FAM53B: variants seen among roughly 807,000 people sequenced by gnomAD.
FAM53B encodes protein FAM53B.
In FAM53B, 12 loss-of-function variants were observed where a neutral mutation model predicts 32.7. The ratio of observed to expected loss-of-function variants is 0.37; its 90% CI spans 0.24 to 0.59. The LOEUF (loss-of-function observed/expected upper bound fraction) is 0.59, where lower values mean the gene tolerates loss of function less well. Ranked by LOEUF, FAM53B falls within the 20% of genes least tolerant of loss-of-function variation. The pLI, the probability that FAM53B is intolerant of heterozygous loss-of-function variation, is 0.72. For synonymous variants in FAM53B, 234 were observed against 228.7 expected, an observed-to-expected ratio of 1.02 and a Z score of -0.21; for missense variants, 477 against 577.7, an observed-to-expected ratio of 0.83 and a Z score of 1.79.
chr10:124,729,151 C>T (rs7086253), intron 1 of FAM53B, among the ~76,000 whole-genome samples: 7,731 of 152,288 alleles, frequency 0.051, 643 homozygotes, highest in African/African-American at 0.17. Context: ...TATTTGTGCC[C>T]GGGTTCTTTT....
intron 4 of FAM53B, among the ~76,000 whole-genome samples, chr10:124,663,205 T>C (rs972378630): frequency 6.6e-6 from 1 of 152,320 alleles, no homozygotes; most frequent in Non-Finnish European, 1.5e-5. Flanking sequence ...ACACATAAAG[T>C]GCAAGCCTGT....
At chr10:124,625,166 C>A (rs1308045149) in intron 4 of FAM53B, among the ~76,000 whole-genome samples, 1 of 152,230 alleles carries the variant, frequency 6.6e-6, no homozygotes, top group African/African-American at 2.4e-5. Flanking sequence ...AGCTGTTGAA[C>A]CAGCCTCAGC....
chr10:124,634,079 T>C (rs945167594), intron 4 of FAM53B, among the ~76,000 whole-genome samples: 1 of 152,210 alleles, frequency 6.6e-6, no homozygotes, highest in Non-Finnish European at 1.5e-5. Context: ...TGAAAACATA[T>C]GTCTATGTAG....
At chr10:124,725,758 C>G (rs978148300) in intron 1 of FAM53B, among the ~76,000 whole-genome samples, 4 of 152,204 alleles carry the variant, frequency 2.6e-5, no homozygotes, top group Non-Finnish European at 5.9e-5. Flanking sequence ...GTGTCTCCAA[C>G]TATCACGGTG....
At chr10:124,697,558 C>A (rs1246551465) in intron 2 of FAM53B, among the ~76,000 whole-genome samples, 1 of 152,172 alleles carries the variant, frequency 6.6e-6, no homozygotes, top group Non-Finnish European at 1.5e-5. Context: ...AGGGTCCATG[C>A]TGACCAACCT....
chr10:124,721,525 C>T (rs939181968), intron 1 of FAM53B, among the ~76,000 whole-genome samples: 3 of 152,240 alleles, frequency 2.0e-5, no homozygotes, highest in African/African-American at 4.8e-5. Flanking sequence ...TCTCCCCAAG[C>T]GACGCCAACC....
chr10:124,644,715 G>A (rs568656681), intron 4 of FAM53B, among the ~76,000 whole-genome samples: 1 of 152,160 alleles, frequency 6.6e-6, no homozygotes, highest in Non-Finnish European at 1.5e-5. Context: ...TGTGGGTAGG[G>A]AACCCGAGAG....
intron 4 of FAM53B, among the ~76,000 whole-genome samples, chr10:124,646,562 CAT>C (rs754859914): frequency 9.2e-5 from 14 of 152,234 alleles, no homozygotes; most frequent in African/African-American, 1.4e-4. Context: ...CTCTGGAATA[CAT>C]GAGACGAGGT....
intron 4 of FAM53B, among the ~76,000 whole-genome samples, chr10:124,625,602 C>G (rs1448214315): frequency 6.6e-6 from 1 of 152,232 alleles, no homozygotes; most frequent in Non-Finnish European, 1.5e-5. Flanking sequence ...CTGGCCAGGC[C>G]TGGGCGATGG....
At chr10:124,656,749 A>T (rs1949591481) in intron 4 of FAM53B, among the ~76,000 whole-genome samples, 1 of 152,316 alleles carries the variant, frequency 6.6e-6, no homozygotes, top group Admixed American at 6.5e-5. Context: ...CTAAGGATAC[A>T]AGAGCATCAA....
chr10:124,656,225 G>A (rs761332143), intron 4 of FAM53B, among the ~76,000 whole-genome samples: 6 of 152,246 alleles, frequency 3.9e-5, no homozygotes, highest in Non-Finnish European at 7.3e-5. Context: ...ACCAAGAGGC[G>A]TCTAGGTTTG....
rs1949309377 is a variant in FAM53B at position 124,621,325 on chromosome 10, A to C, written c.*1917T>G. ...GGCCGCCTCCACATTTGCTCTAAGA[A>C]GACATGGTCTCCATGACCCCCAGGC... On this transcript the variant is annotated 3_prime_UTR_variant, in exon 5 of 5. Transcript: ENST00000337318. The C allele has an allele frequency of 6.6e-6, 1 of 152,332 alleles. No homozygotes were observed. The highest frequency in any genetic ancestry group is 2.1e-4 in the South Asian group (1 of 4,836). The allele number at this position is 152,332 out of a possible 1,614,324, so 9.4% of individuals were successfully genotyped here.
At position 124,682,473 on chromosome 10, in the gene FAM53B, G is replaced by T; in HGVS notation, c.134-94C>A. 8.8e-7 allele frequency: 1 copy of T among 1,137,196 alleles called. No individual in the cohort carries two copies. Among genetic ancestry groups the T allele is most frequent in the Non-Finnish European group, 1.2e-6 (1 of 815,448 alleles). 70.4% of individuals were successfully genotyped at this position (1,137,196 alleles called of 1,614,324 possible). A position where few individuals can be genotyped will look rare whatever the true frequency, so the allele number is the denominator to read the frequency against. On this transcript the variant is annotated intron_variant, in intron 3 of 4. Transcript: ENST00000337318. This position sits in a 1 kb window ranked among gnomAD's most constrained non-coding sequence, Gnocchi z 5.2. ...ACACCAACAGCCCGTTTCAAACACA[G>T]TATCTTAGAGCCAAAAGGCCCTTAG... is the stretch of plus-strand genomic sequence containing the variant.
intron 3 of FAM53B, among the ~76,000 whole-genome samples, chr10:124,693,263 A>T (rs889810567): frequency 5.9e-5 from 9 of 152,012 alleles, no homozygotes; most frequent in Non-Finnish European, 1.2e-4. Context: ...CGAGGTCAGG[A>T]AATCAAGACC....
intron 1 of FAM53B, among the ~76,000 whole-genome samples, chr10:124,719,610 T>A (rs979398540): frequency 6.6e-6 from 1 of 152,202 alleles, no homozygotes; most frequent in South Asian, 2.1e-4. Context: ...GACTGCCAAG[T>A]ACACCAGCTG....
At chr10:124,681,344 C>T (rs529832287) in intron 4 of FAM53B, among the ~76,000 whole-genome samples, 1 of 152,296 alleles carries the variant, frequency 6.6e-6, no homozygotes, top group South Asian at 2.1e-4. Context: ...CCCACCAACA[C>T]CCCGCCTCTC....
intron 2 of FAM53B, among the ~76,000 whole-genome samples, chr10:124,697,167 G>A (rs545701339): frequency 1.3e-5 from 2 of 152,206 alleles, no homozygotes; most frequent in African/African-American, 4.8e-5. Context: ...TCACTCACTC[G>A]CCCACTCGCT....
intron 1 of FAM53B, among the ~76,000 whole-genome samples, chr10:124,736,607 G>T (rs1405578759): frequency 4.6e-5 from 7 of 152,280 alleles, no homozygotes; most frequent in African/African-American, 1.7e-4. Context: ...AGGCAGGGCC[G>T]AGGCCTCTCC....
chr10:124,689,273 G>A (rs566200591), intron 3 of FAM53B, among the ~76,000 whole-genome samples: 1 of 152,158 alleles, frequency 6.6e-6, no homozygotes, highest in African/African-American at 2.4e-5. Flanking sequence ...CATGGGGGTG[G>A]GGGGGACACA....
Sources: allele counts gnomAD v4.1 joint callset (sites outside exome capture counted in the v4.1 genomes callset), GRCh38; gene constraint gnomAD v4.1.1; non-coding constraint Gnocchi (gnomAD v3.1); transcripts MANE v1.5; gene names NCBI Gene and HGNC (gene_info 2026-07-23, HGNC 2026-07-21).